Variants in SLC25A48 observed in about 807,000 individuals in gnomAD.
SLC25A48 encodes solute carrier family 25 member 48.
A neutral mutation model predicts 32.2 loss-of-function variants in SLC25A48; 29 were observed. That is an observed-to-expected ratio of 0.90 (90% CI 0.67 to 1.23). The LOEUF (loss-of-function observed/expected upper bound fraction) is 1.23. Among genes scored for constraint, SLC25A48 ranks in the 50% most tolerant of loss-of-function variants. The pLI, the probability that SLC25A48 is intolerant of heterozygous loss-of-function variation, is 0.00. For synonymous variants in SLC25A48, 164 were observed against 172.3 expected (o/e 0.95, Z 0.38); for missense variants, 399 against 422.7 (o/e 0.94, Z 0.49).
At chr5:135,840,892 T>C (rs1403941059) in intron 1 of SLC25A48, among the ~76,000 whole-genome samples, 1 of 152,236 alleles carries the variant, frequency 6.6e-6, no homozygotes, top group Non-Finnish European at 1.5e-5. Context: ...GTGGTACTTG[T>C]ACTTGTTTTA....
intron 3 of SLC25A48, among the ~76,000 whole-genome samples, chr5:135,786,716 T>TGTAATATCC (rs1474189801): frequency 6.6e-6 from 1 of 150,472 alleles, no homozygotes; most frequent in Non-Finnish European, 1.5e-5. Flanking sequence ...TGACACTGTT[T>TGTAATATCC]GTAATATCCT....
intron 3 of SLC25A48, among the ~76,000 whole-genome samples, chr5:135,777,954 A>G (rs747284370): frequency 3.3e-5 from 5 of 151,850 alleles, no homozygotes; most frequent in African/African-American, 4.8e-5. Context: ...GAGGGACAGG[A>G]TGGATATTAC....
At chr5:135,773,259 G>T (rs182175323) in intron 3 of SLC25A48, among the ~76,000 whole-genome samples, 178 of 151,622 alleles carry the variant, frequency 1.2e-3, no homozygotes, top group African/African-American at 3.9e-3. Flanking sequence ...CTCAGAATGT[G>T]TACACTTCCT....
At position 135,610,743 on chromosome 5, in the gene SLC25A48, A is replaced by G. The variant is rs1001938708; in HGVS notation, c.-848-18494A>G. Among the ~76,000 whole-genome samples, 4 of 152,264 alleles carry G rather than the reference A, an allele frequency of 2.6e-5. No individual in the cohort carries two copies. The East Asian group carries it at 7.7e-4, about 29-fold the overall frequency. ...CTTGGAATCCTCTCCTCTCCAGAAC[A>G]GAGCTGACAACCACTGAATAAAGGG... On this transcript the variant is annotated intron_variant, in intron 1 of 10. Transcript: ENST00000646290.
At chr5:135,839,242 G>C (rs1432128425) in intron 1 of SLC25A48, among the ~76,000 whole-genome samples, 1 of 152,166 alleles carries the variant, frequency 6.6e-6, no homozygotes, top group Non-Finnish European at 1.5e-5. Flanking sequence ...GAGGAAGGCT[G>C]TACTCTGCAA....
intron 3 of SLC25A48, among the ~76,000 whole-genome samples, chr5:135,731,540 G>A (rs1215517250): frequency 6.6e-6 from 1 of 152,218 alleles, no homozygotes; most frequent in African/African-American, 2.4e-5. Context: ...CCCAGAGTGG[G>A]AGAGATTAAG....
At position 135,759,448 on chromosome 5, in the gene SLC25A48, A is replaced by G. The variant is rs1291379432; in HGVS notation, c.-520-53075A>G. Among the ~76,000 whole-genome samples the G allele has an allele frequency of 2.6e-5, 4 of 152,170 alleles. No homozygotes were observed. The East Asian group carries it at 5.8e-4, about 22-fold the overall frequency. ...TACTACAAGCACTGGTGCAATAAAT[A>G]TCTTTTCTCGTGCAATTTCTTTAAG... On this transcript the variant is annotated intron_variant, in intron 3 of 10. Coordinates refer to the SLC25A48 transcript ENST00000646290.
chr5:135,769,789 A>C (rs1219694736), intron 3 of SLC25A48, among the ~76,000 whole-genome samples: 1 of 151,468 alleles, frequency 6.6e-6, no homozygotes, highest in Non-Finnish European at 1.5e-5. Context: ...ATCCAGAAAA[A>C]GAGAGGATGA....
intron 3 of SLC25A48, among the ~76,000 whole-genome samples, chr5:135,674,248 T>G (rs1486028947): frequency 6.6e-6 from 1 of 152,054 alleles, no homozygotes; most frequent in African/African-American, 2.4e-5. Flanking sequence ...TGTCCGTCAC[T>G]TCGAGTATTT....
chr5:135,836,146 G>A (rs370046913), intron 1 of SLC25A48, among the ~76,000 whole-genome samples: 1 of 152,260 alleles, frequency 6.6e-6, no homozygotes, highest in East Asian at 1.9e-4. Context: ...CAAATGGCTT[G>A]GTTTGAAAAA....
intron 3 of SLC25A48, among the ~76,000 whole-genome samples, chr5:135,718,305 G>A (rs1754858197): frequency 1.3e-5 from 2 of 152,138 alleles, no homozygotes; most frequent in South Asian, 4.1e-4. Context: ...AGTAATAGCC[G>A]GGCACTAGGC....
chr5:135,696,499 GTGAATGAATGAA>G (rs146611202), intron 3 of SLC25A48, among the ~76,000 whole-genome samples: 1 of 151,978 alleles, frequency 6.6e-6, no homozygotes, highest in African/African-American at 2.4e-5. Context: ...TGCTGGGTGA[GTGAATGAATGAA>G]TGAATGAATG....
At chr5:135,634,249 C>G (rs774511647) in intron 2 of SLC25A48, among the ~76,000 whole-genome samples, 1 of 152,174 alleles carries the variant, frequency 6.6e-6, no homozygotes, top group African/African-American at 2.4e-5. Context: ...GCCAAGGAGA[C>G]GATGCTGGCA....
At chr5:135,818,978 A>G (rs957782104) in intron 4 of SLC25A48, among the ~76,000 whole-genome samples, 1 of 152,176 alleles carries the variant, frequency 6.6e-6, no homozygotes. Flanking sequence ...GGTGATGTCA[A>G]GAGGAAAGAG....
At chr5:135,731,992 A>G (rs1294970940) in intron 3 of SLC25A48, among the ~76,000 whole-genome samples, 1 of 152,268 alleles carries the variant, frequency 6.6e-6, no homozygotes, top group Non-Finnish European at 1.5e-5. Flanking sequence ...GTGCAGTCCA[A>G]GTTGGGCTGG....
At chr5:135,855,010 A>C (rs1760188722) in intron 4 of SLC25A48, among the ~76,000 whole-genome samples, 1 of 152,218 alleles carries the variant, frequency 6.6e-6, no homozygotes, top group African/African-American at 2.4e-5. Context: ...AGAGATAGGG[A>C]ATGGCTGGCT....
rs534580578 is a variant in SLC25A48 at position 135,682,906 on chromosome 5, G to A, written c.-521+47950G>A. 1.9e-4 allele frequency among the ~76,000 whole-genome samples: 29 copies of A among 152,242 alleles called. No individual in the cohort carries two copies. The East Asian group carries it at 5.6e-3, about 29-fold the overall frequency. On this transcript the variant is annotated intron_variant, in intron 3 of 10. Transcript: ENST00000646290. ...CTGGGAGGCACAACATATCTTTATT[G>A]TTATTATGATTATTACTAATCATCA...
chr5:135,760,543 G>A (rs962785361), intron 3 of SLC25A48, among the ~76,000 whole-genome samples: 6 of 152,220 alleles, frequency 3.9e-5, no homozygotes, highest in Admixed American at 3.9e-4. Flanking sequence ...GATTTTCAGA[G>A]TGGACTGCTC....
intron 4 of SLC25A48, among the ~76,000 whole-genome samples, chr5:135,868,429 G>A (rs1176223086): frequency 6.6e-6 from 1 of 152,020 alleles, no homozygotes; most frequent in Non-Finnish European, 1.5e-5. Flanking sequence ...TGCTATAAAG[G>A]GCATGCATGA....
Sources: allele counts gnomAD v4.1 joint callset (sites outside exome capture counted in the v4.1 genomes callset), GRCh38; gene constraint gnomAD v4.1.1; transcripts MANE v1.5; gene names NCBI Gene and HGNC (gene_info 2026-07-23, HGNC 2026-07-21).